Variants in MGMT observed in about 807,000 individuals in gnomAD.
MGMT encodes methylated-DNA--protein-cysteine methyltransferase.
A neutral mutation model predicts 15.9 loss-of-function variants in MGMT; 14 were observed. The observed-to-expected ratio is 0.88, with a 90% CI of 0.58 to 1.37. The LOEUF is 1.37. MGMT is among the 40% of genes most tolerant of loss of function. MGMT has a pLI of 0.00. For missense variants in MGMT, 282 were observed against 268.1 expected (o/e 1.05, Z -0.36); for synonymous variants, 130 against 118.2 (o/e 1.10, Z -0.65).
intron 3 of MGMT, among the ~76,000 whole-genome samples, chr10:129,713,507 G>A (rs34436645): frequency 0.086 from 13,150 of 152,192 alleles, 750 homozygotes; most frequent in Non-Finnish European, 0.12. Context: ...CGGGTTTCCA[G>A]GTGGCCAGTA....
chr10:129,548,644 T>C (rs559801878), intron 2 of MGMT, among the ~76,000 whole-genome samples: 1 of 152,362 alleles, frequency 6.6e-6, no homozygotes, highest in Admixed American at 6.5e-5. Flanking sequence ...GCCCCCTTGT[T>C]GGCTGGTCCT....
intron 2 of MGMT, among the ~76,000 whole-genome samples, chr10:129,600,171 G>A (rs896829172): frequency 7.8e-4 from 118 of 152,116 alleles, no homozygotes; most frequent in Non-Finnish European, 7.4e-5. Flanking sequence ...TGCTGGCTGC[G>A]GCTTCTCTGA....
intron 1 of MGMT, among the ~76,000 whole-genome samples, chr10:129,487,711 T>A (rs1845423189): frequency 6.6e-6 from 1 of 152,116 alleles, no homozygotes; most frequent in African/African-American, 2.4e-5. Context: ...ATTCTAATCC[T>A]TTGTCAGGTA....
chr10:129,661,579 G>A (rs968178193), intron 2 of MGMT, among the ~76,000 whole-genome samples: 18 of 151,804 alleles, frequency 1.2e-4, no homozygotes, highest in African/African-American at 3.6e-4. Flanking sequence ...TTTTTCGATT[G>A]TTTCTTTTAG....
rs532671411 is a variant in MGMT, at chr10:129,630,822, T to C, written c.126-77073T>C. 2.2e-3 allele frequency among the ~76,000 whole-genome samples: 328 copies of C among 152,388 alleles called. 2 individuals are homozygous for C. Among genetic ancestry groups the C allele is most frequent in the Middle Eastern group, 0.017 (5 of 294 alleles). ...AGCCACTTTTTGTGAATTATTTCAT[T>C]GCACTAACGTGCTCCTACTGAAAAA... On this transcript the variant is annotated intron_variant, in intron 2 of 4. Transcript: ENST00000651593.
chr10:129,551,040 C>G (rs572862638), intron 2 of MGMT, among the ~76,000 whole-genome samples: 1 of 152,276 alleles, frequency 6.6e-6, no homozygotes, highest in African/African-American at 2.4e-5. Context: ...CTACCCTGTC[C>G]CAGCCCCGTT....
intron 2 of MGMT, among the ~76,000 whole-genome samples, chr10:129,590,719 G>A (rs146170113): frequency 1.3e-5 from 2 of 152,308 alleles, no homozygotes; most frequent in East Asian, 3.9e-4. Flanking sequence ...GCAAGATAGG[G>A]TATACGGGCA....
intron 2 of MGMT, among the ~76,000 whole-genome samples, chr10:129,627,091 C>T (rs1847158366): frequency 6.6e-6 from 1 of 152,162 alleles, no homozygotes; most frequent in Non-Finnish European, 1.5e-5. Flanking sequence ...AAGCTGTGGG[C>T]CGTGTGTCTC....
chr10:129,646,842 CG>C (rs1847401039), intron 2 of MGMT, among the ~76,000 whole-genome samples: 1 of 148,950 alleles, frequency 6.7e-6, no homozygotes. Flanking sequence ...GAGGTGAGAG[CG>C]GCGGCTTTCC....
At chr10:129,511,850 G>A (rs1033525824) in intron 1 of MGMT, among the ~76,000 whole-genome samples, 5 of 152,200 alleles carry the variant, frequency 3.3e-5, no homozygotes, top group Non-Finnish European at 5.9e-5. Flanking sequence ...CACTCCTGCT[G>A]TATCGGAATC....
intron 3 of MGMT, among the ~76,000 whole-genome samples, chr10:129,743,634 C>T (rs756821003): frequency 7.2e-5 from 11 of 152,244 alleles, no homozygotes; most frequent in Non-Finnish European, 1.3e-4. Flanking sequence ...GTTGGGTGCA[C>T]TCCTGGACCT....
chr10:129,611,767 T>C (rs1161280987), intron 2 of MGMT, among the ~76,000 whole-genome samples: 3 of 152,158 alleles, frequency 2.0e-5, no homozygotes, highest in Admixed American at 1.3e-4. Context: ...TTGGATGAGA[T>C]GCTTCTCCCT....
intron 2 of MGMT, among the ~76,000 whole-genome samples, chr10:129,650,865 A>G (rs746890024): frequency 6.6e-6 from 1 of 152,208 alleles, no homozygotes; most frequent in Non-Finnish European, 1.5e-5. Context: ...AGAGACGGTT[A>G]GTCTCAGGAG....
intron 2 of MGMT, among the ~76,000 whole-genome samples, chr10:129,643,799 A>G (rs1049178122): frequency 2.6e-5 from 4 of 152,224 alleles, no homozygotes; most frequent in African/African-American, 9.7e-5. Flanking sequence ...CATGCTACAA[A>G]TTGAGGCATC....
At position 129,759,336 on chromosome 10, in the gene MGMT, A is replaced by G; in HGVS notation, c.409A>G (p.Asn137Asp). The G allele has an allele frequency of 6.2e-7, 1 of 1,614,158 alleles. No individual in the cohort carries two copies. Among genetic ancestry groups the G allele is most frequent in the South Asian group, 1.1e-5 (1 of 91,084 alleles). Reference protein sequence around the residue: ...ARAVGGAMRGNPVPILIPCHR... With the variant: ...ARAVGGAMRGDPVPILIPCHR... ...AGCAGTGGGAGGAGCAATGAGAGGC[A>G]ATCCTGTGAGTTCTCATGGCGCAAG... The change falls in exon 4 of 5, where the codon AAT becomes GAT. Residue 137 changes from asparagine (N) to aspartate (D), a missense_variant. Physicochemically the swap from Asn to Asp is conservative, Grantham distance 23 (BLOSUM62 1). Transcript: ENST00000651593.
At chr10:129,538,551 C>T (rs1023304806) in intron 2 of MGMT, among the ~76,000 whole-genome samples, 6 of 152,166 alleles carry the variant, frequency 3.9e-5, no homozygotes, top group African/African-American at 1.2e-4. Context: ...TTCTAATTTG[C>T]ACTTTGCTGA....
At chr10:129,683,872 CA>C (rs748340214) in intron 2 of MGMT, among the ~76,000 whole-genome samples, 14 of 152,152 alleles carry the variant, frequency 9.2e-5, no homozygotes, top group Admixed American at 2.0e-4. Flanking sequence ...GAAGATGTGT[CA>C]GGGGTCAACT....
chr10:129,574,462 G>C (rs1194633633), intron 2 of MGMT, among the ~76,000 whole-genome samples: 1 of 152,178 alleles, frequency 6.6e-6, no homozygotes, highest in Non-Finnish European at 1.5e-5. Context: ...GAATAATTTA[G>C]TATATTGTTG....
chr10:129,607,895 C>T (rs375309921), intron 2 of MGMT, among the ~76,000 whole-genome samples: 30 of 152,322 alleles, frequency 2.0e-4, no homozygotes, highest in Non-Finnish European at 2.8e-4. Flanking sequence ...AAGAGGAGGA[C>T]GTGGGGTTAG....
Sources: allele counts gnomAD v4.1 joint callset (sites outside exome capture counted in the v4.1 genomes callset), GRCh38; gene constraint gnomAD v4.1.1; transcripts MANE v1.5; gene names NCBI Gene and HGNC (gene_info 2026-07-23, HGNC 2026-07-21).